THSD7B: variants seen among roughly 807,000 people sequenced by gnomAD.
The protein encoded by THSD7B is thrombospondin type 1 domain containing 7B, also known as thrombospondin type-1 domain-containing protein 7B.
THSD7B carries 138 observed loss-of-function variants against 213.6 expected under a neutral mutation model. The observed-to-expected ratio is 0.65, with a 90% CI of 0.56 to 0.74. The LOEUF is 0.74. Among genes scored for constraint, THSD7B ranks in the 30% least tolerant of loss-of-function variants. THSD7B has a pLI of 0.00. For missense variants in THSD7B, 1,931 were observed against 1,991.5 expected (o/e 0.97, Z 0.58); for synonymous variants, 742 against 687.0 (o/e 1.08, Z -1.25).
chr2:136,933,182 C>G (rs948351433), intron 2 of THSD7B, among the ~76,000 whole-genome samples: 18 of 121,968 alleles, frequency 1.5e-4, no homozygotes, highest in African/African-American at 5.8e-4. Flanking sequence ...TCAACATTGA[C>G]TGTTTCGTTT....
chr2:136,994,938 G>T (rs532129889), intron 2 of THSD7B, among the ~76,000 whole-genome samples: 1 of 152,194 alleles, frequency 6.6e-6, no homozygotes. Context: ...TGGAAGAGTT[G>T]CTAGATGCTG....
intron 21 of THSD7B, among the ~76,000 whole-genome samples, chr2:137,651,787 T>G (rs895394363): frequency 6.6e-6 from 1 of 152,158 alleles, no homozygotes; most frequent in South Asian, 2.1e-4. Flanking sequence ...AATTTTTACA[T>G]TTTCTTAATT....
chr2:137,525,348 G>A (rs570500584), intron 15 of THSD7B, among the ~76,000 whole-genome samples: 8 of 152,236 alleles, frequency 5.3e-5, no homozygotes, highest in South Asian at 2.1e-4. Flanking sequence ...AACTGAGGTC[G>A]GAGCTGCTAG....
intron 3 of THSD7B, among the ~76,000 whole-genome samples, chr2:137,065,920 T>G (rs1687366783): frequency 6.6e-6 from 1 of 152,220 alleles, no homozygotes; most frequent in African/African-American, 2.4e-5. Flanking sequence ...GTTGCTATTA[T>G]TTGAACAGAT....
chr2:137,429,317 C>T (rs1687124273), intron 14 of THSD7B, among the ~76,000 whole-genome samples: 1 of 152,078 alleles, frequency 6.6e-6, no homozygotes, highest in African/African-American at 2.4e-5. Flanking sequence ...TGAATTATAT[C>T]TCAGTAAAGC....
At chr2:137,521,876 AGCTGTTG>A (rs1186693013) in intron 15 of THSD7B, among the ~76,000 whole-genome samples, 42 of 30,126 alleles carry the variant, frequency 1.4e-3, no homozygotes, top group East Asian at 0.01. Context: ...TGCATCCCTC[AGCTGTTG>A]AGTAACCTCT....
rs541225034 is a variant in THSD7B at position 137,315,414 on chromosome 2, C to T, written c.2500+39388C>T. Among the ~76,000 whole-genome samples the T allele has an allele frequency of 8.5e-5, 13 of 152,258 alleles. No individual in the cohort carries two copies. The East Asian group carries it at 2.1e-3, about 25-fold the overall frequency. On this transcript the variant is annotated intron_variant, in intron 12 of 27. Coordinates refer to ENST00000409968, the MANE Select transcript of THSD7B (RefSeq NM_001316349.2). ...TGACCTGCGCCCACTGTCTGGCACT[C>T]CCTAGTGAGATGAACCCGATACCTC...
intron 14 of THSD7B, among the ~76,000 whole-genome samples, chr2:137,448,890 A>G (rs1358583946): frequency 6.6e-6 from 1 of 152,224 alleles, no homozygotes; most frequent in African/African-American, 2.4e-5. Context: ...GAATTGGTCT[A>G]TGGTTTGTCC....
At chr2:137,611,839 C>T (rs747788837) in intron 17 of THSD7B, among the ~76,000 whole-genome samples, 20 of 151,946 alleles carry the variant, frequency 1.3e-4, no homozygotes, top group Admixed American at 2.0e-4. Context: ...TCTTTTAAAG[C>T]GTAATTGTAA....
At chr2:137,181,483 A>C (rs941714114) in intron 7 of THSD7B, among the ~76,000 whole-genome samples, 1 of 152,204 alleles carries the variant, frequency 6.6e-6, no homozygotes, top group Non-Finnish European at 1.5e-5. Flanking sequence ...AGAAATAAAA[A>C]GATGACAGAT....
chr2:137,404,465 A>ATATAT (rs1686455194), intron 12 of THSD7B, among the ~76,000 whole-genome samples: 1 of 102,374 alleles, frequency 9.8e-6, no homozygotes, highest in African/African-American at 3.8e-5. Context: ...ATATATATAT[A>ATATAT]TATATATATA....
chr2:137,197,366 G>T (rs1558954886), intron 7 of THSD7B, among the ~76,000 whole-genome samples: 1 of 152,232 alleles, frequency 6.6e-6, no homozygotes, highest in South Asian at 2.1e-4. Flanking sequence ...GGGCAATCTT[G>T]TTGAATGGTA....
intron 15 of THSD7B, among the ~76,000 whole-genome samples, chr2:137,546,426 A>ATATATATTATATATATAATATATATAT: frequency 4.7e-5 from 1 of 21,342 alleles, no homozygotes; most frequent in African/African-American, 3.1e-4. Flanking sequence ...TATATATATT[A>ATATATATTATATATATAATATATATAT]TATATATATT....
intron 14 of THSD7B, among the ~76,000 whole-genome samples, chr2:137,440,698 C>T (rs1687390234): frequency 6.6e-6 from 1 of 152,110 alleles, no homozygotes; most frequent in Middle Eastern, 3.4e-3. Context: ...CCCAATTTTG[C>T]ACTCCTGTCC....
At chr2:137,426,681 A>G (rs987007119) in intron 14 of THSD7B, among the ~76,000 whole-genome samples, 3 of 152,194 alleles carry the variant, frequency 2.0e-5, no homozygotes, top group Non-Finnish European at 2.9e-5. Context: ...TGAATGTAAG[A>G]CTTGAAGCAA....
chr2:137,440,395 G>C (rs1379358521), intron 14 of THSD7B, among the ~76,000 whole-genome samples: 1 of 151,694 alleles, frequency 6.6e-6, no homozygotes, highest in Non-Finnish European at 1.5e-5. Flanking sequence ...GATGAGTAGG[G>C]TGAGCCTGGA....
At chr2:137,139,253 A>T (rs1343385564) in intron 5 of THSD7B, among the ~76,000 whole-genome samples, 3 of 152,166 alleles carry the variant, frequency 2.0e-5, no homozygotes, top group Non-Finnish European at 2.9e-5. Flanking sequence ...AAGTGCATGG[A>T]ATTATTTTCA....
chr2:136,934,902 G>C (rs1197548303), intron 2 of THSD7B, among the ~76,000 whole-genome samples: 33 of 151,930 alleles, frequency 2.2e-4, no homozygotes, highest in Admixed American at 2.1e-3. Flanking sequence ...TTTGTATTAA[G>C]ATTTTTATCT....
chr2:137,008,571 A>C (rs752883012), intron 2 of THSD7B, among the ~76,000 whole-genome samples: 1 of 152,092 alleles, frequency 6.6e-6, no homozygotes, highest in Non-Finnish European at 1.5e-5. Flanking sequence ...AATTTTCACT[A>C]TACTGTTTTG....
Sources: gnomAD v4.1 joint callset for allele counts (sites outside exome capture counted in the v4.1 genomes callset) on GRCh38, gnomAD v4.1.1 for gene constraint, MANE v1.5 for transcripts, NCBI Gene and HGNC (gene_info 2026-07-23, HGNC 2026-07-21) for gene names.